The following GALNT13 variants were observed in gnomAD, a reference collection of about 807,000 sequenced individuals.
GALNT13 encodes polypeptide N-acetylgalactosaminyltransferase 13.
GALNT13 carries 28 observed loss-of-function variants against 64.2 expected under a neutral mutation model. That is an observed-to-expected ratio of 0.44 (90% CI 0.32 to 0.60). The LOEUF (loss-of-function observed/expected upper bound fraction) is 0.60. Ranked by LOEUF, GALNT13 falls within the 20% of genes least tolerant of loss-of-function variation. GALNT13 has a pLI of 0.05. For synonymous variants in GALNT13, 214 were observed against 224.6 expected (o/e 0.95, Z 0.42); for missense variants, 577 against 669.8 (o/e 0.86, Z 1.53).
chr2:153,690,564 C>T, the GALNT13 span, among the ~76,000 whole-genome samples: 1 of 152,142 alleles, frequency 6.6e-6, no homozygotes, highest in South Asian at 2.1e-4. Context: ...GTGATGGGGA[C>T]TTACAAAGGT....
chr2:153,862,629 T>C, the GALNT13 span, among the ~76,000 whole-genome samples: 2 of 152,080 alleles, frequency 1.3e-5, no homozygotes, highest in African/African-American at 4.8e-5. Context: ...TTTTATGTGT[T>C]AAATTTTAAT....
At chr2:153,477,932 C>T in the GALNT13 span, 1 of 411,882 alleles carries the variant, frequency 2.4e-6, no homozygotes, top group East Asian at 4.5e-5. Flanking sequence ...TGGAGAAGGG[C>T]CTTCGCACCG....
chr2:153,788,474 C>T, the GALNT13 span, among the ~76,000 whole-genome samples: 1 of 151,932 alleles, frequency 6.6e-6, no homozygotes. Flanking sequence ...AAAGTAAAGC[C>T]CATTACCAAC....
the GALNT13 span, among the ~76,000 whole-genome samples, chr2:153,774,494 A>T: frequency 6.6e-6 from 1 of 152,220 alleles, no homozygotes; most frequent in Non-Finnish European, 1.5e-5. Context: ...AGTTTAGTTG[A>T]TTCATCAAAC....
At chr2:153,887,599 A>T (rs969325277) in intron 1 of GALNT13, among the ~76,000 whole-genome samples, 1 of 151,918 alleles carries the variant, frequency 6.6e-6, no homozygotes. Flanking sequence ...TATTATACAC[A>T]TTATACACAA....
the GALNT13 span, among the ~76,000 whole-genome samples, chr2:153,759,806 A>G: frequency 6.6e-6 from 1 of 151,928 alleles, no homozygotes; most frequent in Non-Finnish European, 1.5e-5. Context: ...TGGCTTTGGT[A>G]CCAGGATGAT....
chr2:153,517,249 A>G, the GALNT13 span, among the ~76,000 whole-genome samples: 25 of 152,190 alleles, frequency 1.6e-4, no homozygotes, highest in African/African-American at 5.5e-4. Context: ...GCTTACCTCT[A>G]TGGCTTTTAA....
intron 3 of GALNT13, among the ~76,000 whole-genome samples, chr2:154,000,709 G>T (rs1695849689): frequency 6.6e-6 from 1 of 151,960 alleles, no homozygotes; most frequent in Non-Finnish European, 1.5e-5. Context: ...GTGACCTAAA[G>T]TATGGTCTAT....
the GALNT13 span, among the ~76,000 whole-genome samples, chr2:153,208,973 C>T: frequency 1.8e-3 from 136 of 74,622 alleles, no homozygotes; most frequent in South Asian, 3.1e-3. Flanking sequence ...TGGTTTTGGT[C>T]TTTTTTTTTT....
chr2:154,244,512 A>C (rs910216850), intron 6 of GALNT13, among the ~76,000 whole-genome samples: 2 of 152,170 alleles, frequency 1.3e-5, no homozygotes, highest in African/African-American at 4.8e-5. Context: ...AACAAGTATG[A>C]ATAATGGACA....
the GALNT13 span, among the ~76,000 whole-genome samples, chr2:153,341,652 A>G: frequency 6.6e-6 from 1 of 152,230 alleles, no homozygotes; most frequent in African/African-American, 2.4e-5. Flanking sequence ...GGGTTTTGTC[A>G]GCATTACCAG....
At chr2:153,286,114 G>T in the GALNT13 span, among the ~76,000 whole-genome samples, 1 of 152,046 alleles carries the variant, frequency 6.6e-6, no homozygotes, top group Non-Finnish European at 1.5e-5. Context: ...AAAAGTACTA[G>T]GAAATGATGT....
rs998440169 is a variant in GALNT13, at chr2:154,328,659, C to G, written c.1156+27070C>G. 6.6e-5 allele frequency among the ~76,000 whole-genome samples: 10 copies of G among 152,188 alleles called. No individual in the cohort carries two copies. The East Asian group carries it at 1.9e-3, about 30-fold the overall frequency. On this transcript the variant is annotated intron_variant, in intron 9 of 12. Transcript: ENST00000392825. ...AAAATCTGTATTTCAACCAATCATT[C>G]CACGGCATATACCTACAGGTAGAAT...
chr2:153,307,403 G>A, the GALNT13 span, among the ~76,000 whole-genome samples: 608 of 152,048 alleles, frequency 4.0e-3, 4 homozygotes, highest in African/African-American at 0.014. Flanking sequence ...GAAAAAAATA[G>A]AAATGGCCTA....
the GALNT13 span, among the ~76,000 whole-genome samples, chr2:153,505,546 GATGGGTTGTGTCACT>G: frequency 6.6e-6 from 1 of 152,036 alleles, no homozygotes; most frequent in Non-Finnish European, 1.5e-5. Context: ...CTGAGGTTTT[GATGGGTTGTGTCACT>G]ATTATTGCTC....
the GALNT13 span, among the ~76,000 whole-genome samples, chr2:153,318,249 C>T: frequency 6.6e-6 from 1 of 152,074 alleles, no homozygotes; most frequent in African/African-American, 2.4e-5. Context: ...AGCTCCTCTC[C>T]ACTCTTATTC....
chr2:153,746,948 T>C, the GALNT13 span, among the ~76,000 whole-genome samples: 7 of 152,316 alleles, frequency 4.6e-5, no homozygotes, highest in East Asian at 1.3e-3. Flanking sequence ...CCTATTGTTT[T>C]TTAAAATTGA....
intron 12 of GALNT13, among the ~76,000 whole-genome samples, chr2:154,440,142 G>C (rs372063948): frequency 3.3e-5 from 5 of 152,086 alleles, no homozygotes; most frequent in Non-Finnish European, 4.4e-5. Context: ...TGTTCTTCTT[G>C]TTGTTACTGT....
intron 4 of GALNT13, among the ~76,000 whole-genome samples, chr2:154,221,768 A>G (rs1688337019): frequency 6.6e-6 from 1 of 152,138 alleles, no homozygotes; most frequent in Non-Finnish European, 1.5e-5. Context: ...AGCAATTGAC[A>G]TTCAAATGAA....
Sources: allele counts gnomAD v4.1 joint callset (sites outside exome capture counted in the v4.1 genomes callset), GRCh38; gene constraint gnomAD v4.1.1; transcripts MANE v1.5; gene names NCBI Gene and HGNC (gene_info 2026-07-23, HGNC 2026-07-21).